The following DSE variants were observed in gnomAD, a reference collection of about 807,000 sequenced individuals.
The protein encoded by DSE is dermatan sulfate epimerase.
In DSE, 36 loss-of-function variants were observed where a neutral mutation model predicts 84.4. The observed-to-expected ratio is 0.43, with a 90% CI of 0.33 to 0.56. The LOEUF is 0.56. Among genes scored for constraint, DSE ranks in the 20% least tolerant of loss-of-function variants. The pLI, the probability that DSE is intolerant of heterozygous loss-of-function variation, is 0.06. For missense variants in DSE, 862 were observed against 1,169.6 expected (o/e 0.74, Z 3.84); for synonymous variants, 410 against 430.1 (o/e 0.95, Z 0.58).
intron 2 of DSE, chr6:116,280,339 CT>C: frequency 5.1e-6 from 1 of 194,532 alleles, no homozygotes; most frequent in South Asian, 8.2e-5. Context: ...TGTTTCCCCC[CT>C]TCTTAGTAAA....
At chr6:116,344,590 T>C (rs1228027064) in intron 2 of DSE, among the ~76,000 whole-genome samples, 1 of 152,032 alleles carries the variant, frequency 6.6e-6, no homozygotes, top group Non-Finnish European at 1.5e-5. Context: ...TGCTGAGAGA[T>C]TTTGTCACCA....
At chr6:116,271,926 C>T (rs377752516) in intron 2 of DSE, among the ~76,000 whole-genome samples, 6 of 152,306 alleles carry the variant, frequency 3.9e-5, no homozygotes, top group Admixed American at 3.9e-4. Context: ...TCACCCAACT[C>T]AAGATATGGA....
chr6:116,328,046 T>C (rs1006758972), intron 2 of DSE, among the ~76,000 whole-genome samples: 1 of 152,188 alleles, frequency 6.6e-6, no homozygotes, highest in African/African-American at 2.4e-5. Context: ...ATAAACATAC[T>C]CAACTGCTAC....
chr6:116,270,710 G>A (rs1487477830), intron 2 of DSE, among the ~76,000 whole-genome samples: 1 of 152,166 alleles, frequency 6.6e-6, no homozygotes, highest in Non-Finnish European at 1.5e-5. Context: ...AGCTACTTGT[G>A]AATGAATTAG....
chr6:116,321,066 A>C (rs1174319647), intron 2 of DSE, among the ~76,000 whole-genome samples: 1 of 152,168 alleles, frequency 6.6e-6, no homozygotes, highest in Admixed American at 6.5e-5. Flanking sequence ...TTCCTTAGAA[A>C]AGCAGTTCTG....
At chr6:116,357,241 A>G (rs1260608075) in intron 2 of DSE, among the ~76,000 whole-genome samples, 2 of 152,104 alleles carry the variant, frequency 1.3e-5, no homozygotes, top group Admixed American at 1.3e-4. Flanking sequence ...AGCCACAAAA[A>G]CAAGTTATCA....
At chr6:116,343,310 A>T (rs972338652) in intron 2 of DSE, among the ~76,000 whole-genome samples, 1 of 152,208 alleles carries the variant, frequency 6.6e-6, no homozygotes, top group African/African-American at 2.4e-5. Flanking sequence ...TTCTCCCGGC[A>T]TGGAGTTTGT....
chr6:116,326,072 C>G (rs994678723), intron 2 of DSE, among the ~76,000 whole-genome samples: 6 of 152,118 alleles, frequency 3.9e-5, no homozygotes, highest in Admixed American at 3.9e-4. Flanking sequence ...GGTCAGGGGT[C>G]GATCTTTAAC....
rs748174419 is a variant in DSE at position 116,272,064 on chromosome 6, CATATAAT to C, written c.-54+13103_-54+13109del. ...CTAGTGAATTTCATATACATGGAATCATATAATATATATTCCTTTGACATCTTTCACT... is the reference window on the plus strand; with the variant it reads ...CTAGTGAATTTCATATACATGGAATCATATATTCCTTTGACATCTTTCACT... On this transcript the variant is annotated intron_variant, in intron 2 of 3. Transcript: ENST00000430252. Among the ~76,000 whole-genome samples, 142 of 152,278 alleles carry C rather than the reference CATATAAT, an allele frequency of 9.3e-4. 1 individual carries two copies. The highest frequency in any genetic ancestry group is 1.9e-3 in the Non-Finnish European group (127 of 68,022).
At chr6:116,381,667 A>G (rs1780232158) in intron 1 of DSE, among the ~76,000 whole-genome samples, 1 of 152,140 alleles carries the variant, frequency 6.6e-6, no homozygotes, top group Admixed American at 6.5e-5. Context: ...TCTACGTGAA[A>G]TATGTAGCGT....
intron 3 of DSE, among the ~76,000 whole-genome samples, chr6:116,429,625 A>G (rs544763090): frequency 6.6e-6 from 1 of 152,338 alleles, no homozygotes; most frequent in East Asian, 1.9e-4. Flanking sequence ...GATTCTGTTC[A>G]GTGCTGTGTA....
At chr6:116,352,568 G>A (rs976891439) in intron 2 of DSE, among the ~76,000 whole-genome samples, 2 of 152,130 alleles carry the variant, frequency 1.3e-5, no homozygotes, top group African/African-American at 4.8e-5. Context: ...GTGAGGCAGA[G>A]GTCAGTAGCT....
intron 2 of DSE, among the ~76,000 whole-genome samples, chr6:116,315,667 C>T (rs1775928433): frequency 6.6e-6 from 1 of 152,150 alleles, no homozygotes; most frequent in Non-Finnish European, 1.5e-5. Context: ...CATGGTTCAT[C>T]ATGCTTGTTT....
intron 2 of DSE, chr6:116,276,570 G>GACTTTAATGATTTTAATCCATTAAGA (rs934950835): frequency 2.8e-4 from 42 of 152,010 alleles, no homozygotes; most frequent in Non-Finnish European, 4.3e-4. Flanking sequence ...TCAATTTAAG[G>GACTTTAATGATTTTAATCCATTAAGA]ACTTTAATGA....
intron 2 of DSE, among the ~76,000 whole-genome samples, chr6:116,416,349 C>CTGTGTGTGTGTGTGTGTGTG (rs59237926): frequency 7.5e-6 from 1 of 133,962 alleles, no homozygotes; most frequent in African/African-American, 2.8e-5. Flanking sequence ...CTAATTGCCA[C>CTGTGTGTGTGTGTGTGTGTG]TGTGTGTGTG....
At chr6:116,357,815 C>T (rs779869885) in intron 2 of DSE, among the ~76,000 whole-genome samples, 1 of 152,118 alleles carries the variant, frequency 6.6e-6, no homozygotes, top group Non-Finnish European at 1.5e-5. Context: ...AATCCGCGTG[C>T]GCACGTGTGT....
chr6:116,304,096 C>T (rs1775200745), intron 2 of DSE, among the ~76,000 whole-genome samples: 1 of 149,202 alleles, frequency 6.7e-6, no homozygotes, highest in Non-Finnish European at 1.5e-5. Context: ...GCACTCCAGC[C>T]TGGGCGACAG....
chr6:116,302,913 T>C (rs1004578753), intron 2 of DSE, among the ~76,000 whole-genome samples: 1 of 152,186 alleles, frequency 6.6e-6, no homozygotes, highest in Non-Finnish European at 1.5e-5. Flanking sequence ...TGTCTCCATT[T>C]CTTGTTTTTG....
At chr6:116,335,845 T>C (rs1282674150) in intron 2 of DSE, among the ~76,000 whole-genome samples, 1 of 152,254 alleles carries the variant, frequency 6.6e-6, no homozygotes, top group Admixed American at 6.5e-5. Flanking sequence ...GCTCTTTGAC[T>C]AGTTGCTGTG....
Sources: gnomAD v4.1 joint callset for allele counts (sites outside exome capture counted in the v4.1 genomes callset) on GRCh38, gnomAD v4.1.1 for gene constraint, MANE v1.5 for transcripts, NCBI Gene and HGNC (gene_info 2026-07-23, HGNC 2026-07-21) for gene names.